Variants in MYO1B observed in about 807,000 individuals in gnomAD.
MYO1B encodes myosin IB.
In MYO1B, 72 loss-of-function variants were observed where a neutral mutation model predicts 159.7. The observed-to-expected ratio is 0.45, with a 90% CI of 0.37 to 0.55. The LOEUF (loss-of-function observed/expected upper bound fraction) is 0.55. Among genes scored for constraint, MYO1B ranks in the 20% least tolerant of loss-of-function variants. MYO1B has a pLI of 0.00. For synonymous variants in MYO1B, 468 were observed against 473.8 expected (o/e 0.99, Z 0.16); for missense variants, 1,062 against 1,364.8 (o/e 0.78, Z 3.50).
chr2:191,358,444 A>G (rs1451396518), intron 7 of MYO1B, among the ~76,000 whole-genome samples: 3 of 152,234 alleles, frequency 2.0e-5, no homozygotes, highest in Admixed American at 1.3e-4. Flanking sequence ...ACACTTTGCC[A>G]GCATTCCTTT....
chr2:191,319,084 G>C (rs555015399), intron 3 of MYO1B, among the ~76,000 whole-genome samples: 3 of 152,072 alleles, frequency 2.0e-5, no homozygotes, highest in East Asian at 3.9e-4. Flanking sequence ...CCTGCAGGCC[G>C]AGTGGTATAT....
At chr2:191,261,735 T>C (rs1686823284) in intron 1 of MYO1B, among the ~76,000 whole-genome samples, 1 of 152,196 alleles carries the variant, frequency 6.6e-6, no homozygotes, top group African/African-American at 2.4e-5. Context: ...TCCAGGGCTC[T>C]TTAGAACCTC....
At chr2:191,378,071 T>C (rs1416170570) in intron 13 of MYO1B, among the ~76,000 whole-genome samples, 1 of 152,086 alleles carries the variant, frequency 6.6e-6, no homozygotes, top group Non-Finnish European at 1.5e-5. Flanking sequence ...AAGTTTTTGT[T>C]ATTAGGGCAT....
chr2:191,406,257 A>G (rs550309351), intron 24 of MYO1B, among the ~76,000 whole-genome samples: 20 of 152,206 alleles, frequency 1.3e-4, no homozygotes, highest in Non-Finnish European at 2.9e-4. Context: ...TTATATCTAG[A>G]CCACTAAAAT....
At chr2:191,275,603 C>A (rs1687703591) in intron 1 of MYO1B, among the ~76,000 whole-genome samples, 1 of 152,140 alleles carries the variant, frequency 6.6e-6, no homozygotes, top group South Asian at 2.1e-4. Flanking sequence ...GGACACCAAC[C>A]TTTATAAGAC....
At chr2:191,399,697 C>G (rs1219466071) in intron 21 of MYO1B, among the ~76,000 whole-genome samples, 5 of 152,150 alleles carry the variant, frequency 3.3e-5, no homozygotes, top group Non-Finnish European at 5.9e-5. Context: ...TTGCCCAGGC[C>G]CTCGACAACT....
intron 2 of MYO1B, among the ~76,000 whole-genome samples, chr2:191,290,196 A>G (rs565355637): frequency 2.2e-4 from 34 of 152,202 alleles, no homozygotes; most frequent in Non-Finnish European, 4.4e-4. Context: ...TACTTTGATA[A>G]TTATCTTCAT....
chr2:191,364,617 A>C (rs1017365598), intron 11 of MYO1B, among the ~76,000 whole-genome samples: 1 of 152,216 alleles, frequency 6.6e-6, no homozygotes, highest in African/African-American at 2.4e-5. Context: ...AAATGACTGA[A>C]GGGTTTTGAG....
At chr2:191,379,413 G>A (rs1694913669) in intron 13 of MYO1B, 1 of 152,568 alleles carries the variant, frequency 6.6e-6, no homozygotes, top group Non-Finnish European at 1.5e-5. Context: ...AATTTTTAAA[G>A]GTTATGGGCA....
chr2:191,261,335 G>A (rs772215947), intron 1 of MYO1B, among the ~76,000 whole-genome samples: 2 of 152,216 alleles, frequency 1.3e-5, no homozygotes, highest in Non-Finnish European at 2.9e-5. Flanking sequence ...ATAAATGACT[G>A]CAGCTAATTT....
In MYO1B at chr2:191,301,348, G is replaced by A. The variant is rs6714426; in HGVS notation, c.251+5122G>A. Among the ~76,000 whole-genome samples, 419 of 152,318 alleles carry A rather than the reference G, an allele frequency of 2.8e-3. 3 individuals are homozygous for A. The highest frequency in any genetic ancestry group is 9.7e-3 in the African/African-American group (405 of 41,564). On this transcript the variant is annotated intron_variant, in intron 3 of 30. Transcript: ENST00000392318. ...TCCCAAACAGCATTGATAAGGAAAG[G>A]CTGAGAAGGGAGAGATGAGGGAAAT...
intron 7 of MYO1B, among the ~76,000 whole-genome samples, chr2:191,350,928 ACAGTGCTGT>A (rs1574486618): frequency 6.6e-6 from 1 of 152,148 alleles, no homozygotes; most frequent in Non-Finnish European, 1.5e-5. Context: ...TGTAAAAATG[ACAGTGCTGT>A]CAGTGCTTTG....
At chr2:191,282,214 A>C (rs755095288) in intron 2 of MYO1B, among the ~76,000 whole-genome samples, 4 of 152,236 alleles carry the variant, frequency 2.6e-5, no homozygotes, top group Non-Finnish European at 4.4e-5. Flanking sequence ...TAAAGTGCAC[A>C]GACTTAGCAA....
In MYO1B at chr2:191,414,112, A is replaced by G. The variant is rs1444991921; in HGVS notation, c.2938A>G (p.Lys980Glu). ...CAAGAACCCCAAGTATAAGAAACTC[A>G]AAGATGCCATTGAAGAAAAGATCAT... The part of the protein sequence containing the change: ...INKNPKYKKL[K>E]DAIEEKIIIA... Residue 980 changes from lysine to glutamate, a missense_variant, in exon 28 of 31, where the codon AAA (lysine) becomes GAA (glutamate). Physicochemically the swap from Lys to Glu is moderately conservative, Grantham distance 56 (BLOSUM62 1). Coordinates refer to ENST00000392318, the MANE Select transcript of MYO1B (RefSeq NM_001130158.3). 1 of 1,613,578 alleles carries G rather than the reference A, an allele frequency of 6.2e-7. No homozygotes were observed. The highest frequency in any genetic ancestry group is 1.7e-5 in the Admixed American group (1 of 60,008).
intron 2 of MYO1B, among the ~76,000 whole-genome samples, chr2:191,295,534 A>G (rs550927383): frequency 4.9e-4 from 75 of 152,294 alleles, no homozygotes; most frequent in Middle Eastern, 6.8e-3. Context: ...TGTTAGATAT[A>G]ATGAGATTAT....
intron 1 of MYO1B, among the ~76,000 whole-genome samples, chr2:191,261,853 C>T (rs1686831567): frequency 6.6e-6 from 1 of 151,986 alleles, no homozygotes; most frequent in Non-Finnish European, 1.5e-5. Flanking sequence ...AAGGCTCCAG[C>T]ACTATAACAA....
At chr2:191,372,006 A>G (rs1694395260) in intron 13 of MYO1B, among the ~76,000 whole-genome samples, 1 of 152,238 alleles carries the variant, frequency 6.6e-6, no homozygotes, top group South Asian at 2.1e-4. Context: ...GCCGAAATTA[A>G]TTTCTTTCTA....
Position 191,387,072 on chromosome 2 carries a change from G to A in MYO1B, c.1555-152G>A, listed in dbSNP as rs191023507. On this transcript the variant is annotated intron_variant, in intron 16 of 30. Coordinates refer to ENST00000392318, the MANE Select transcript of MYO1B (RefSeq NM_001130158.3). ...ACAGATGGAATTTAAACTTGGAGGCGAACTCATTATGAGAGTGTGACTAAC... is the reference window on the plus strand; with the variant it reads ...ACAGATGGAATTTAAACTTGGAGGCAAACTCATTATGAGAGTGTGACTAAC... The A allele has an allele frequency of 8.9e-5, 58 of 648,630 alleles. No homozygotes were observed. The African/African-American group carries it at 9.3e-4, about 10-fold the overall frequency. 40.2% of individuals were successfully genotyped at this position (648,630 alleles called of 1,614,324 possible). A position where few individuals can be genotyped will look rare whatever the true frequency, so the allele number is the denominator to read the frequency against.
intron 1 of MYO1B, among the ~76,000 whole-genome samples, chr2:191,265,525 G>A (rs1464169732): frequency 6.6e-6 from 1 of 152,096 alleles, no homozygotes; most frequent in East Asian, 1.9e-4. Flanking sequence ...GTTTTCCTCT[G>A]GTGGCTATAT....
Sources: allele counts gnomAD v4.1 joint callset (sites outside exome capture counted in the v4.1 genomes callset), GRCh38; gene constraint gnomAD v4.1.1; transcripts MANE v1.5; gene names NCBI Gene and HGNC (gene_info 2026-07-23, HGNC 2026-07-21).